SH3PXD2A: variants seen among roughly 807,000 people sequenced by gnomAD.
SH3PXD2A encodes SH3 and PX domain-containing protein 2A.
Under a neutral mutation model 115.2 loss-of-function variants are expected in SH3PXD2A, and 32 were observed. That is an observed-to-expected ratio of 0.28 (90% CI 0.21 to 0.37). SH3PXD2A has a LOEUF of 0.37. Among genes scored for constraint, SH3PXD2A ranks in the 10% least tolerant of loss-of-function variants. The pLI, the probability that SH3PXD2A is intolerant of heterozygous loss-of-function variation, is 1.00. For missense variants in SH3PXD2A, 1,328 were observed against 1,498.7 expected, an observed-to-expected ratio of 0.89 and a Z score of 1.88; for synonymous variants, 610 against 629.1, an observed-to-expected ratio of 0.97 and a Z score of 0.45.
intron 1 of SH3PXD2A, among the ~76,000 whole-genome samples, chr10:103,838,093 T>C (rs1254988057): frequency 6.6e-6 from 1 of 152,168 alleles, no homozygotes; most frequent in Non-Finnish European, 1.5e-5. Flanking sequence ...AGAACTCAGC[T>C]AGGAAATCCC....
chr10:103,647,577 C>T (rs1383748442), intron 8 of SH3PXD2A, among the ~76,000 whole-genome samples: 2 of 152,184 alleles, frequency 1.3e-5, no homozygotes, highest in Non-Finnish European at 2.9e-5. Context: ...GGACATGGAG[C>T]CTCACTTGGT....
intron 1 of SH3PXD2A, among the ~76,000 whole-genome samples, chr10:103,831,313 T>A (rs771846313): frequency 1.3e-5 from 2 of 152,224 alleles, no homozygotes; most frequent in Non-Finnish European, 2.9e-5. Context: ...ATCCAACCAT[T>A]GGCATTTGTA....
intron 2 of SH3PXD2A, among the ~76,000 whole-genome samples, chr10:103,798,164 C>T (rs925934524): frequency 6.6e-6 from 1 of 152,104 alleles, no homozygotes; most frequent in African/African-American, 2.4e-5. Context: ...AGGGAACCAA[C>T]TTGTACAGGG....
chr10:103,799,373 G>A (rs2039125950), intron 2 of SH3PXD2A, among the ~76,000 whole-genome samples: 1 of 152,264 alleles, frequency 6.6e-6, no homozygotes, highest in Non-Finnish European at 1.5e-5. Context: ...TGGCTCATAA[G>A]TTAATTTCCA....
At chr10:103,761,041 T>C (rs1418501324) in intron 3 of SH3PXD2A, among the ~76,000 whole-genome samples, 1 of 152,126 alleles carries the variant, frequency 6.6e-6, no homozygotes, top group Non-Finnish European at 1.5e-5. Context: ...TGCCGAGAGG[T>C]TGGGCCTGGG....
At chr10:103,853,993 C>T (rs1446679902) in intron 1 of SH3PXD2A, among the ~76,000 whole-genome samples, 1 of 152,182 alleles carries the variant, frequency 6.6e-6, no homozygotes, top group Non-Finnish European at 1.5e-5. Flanking sequence ...CAGGCACCCA[C>T]CTCCCTGCCT....
intron 1 of SH3PXD2A, among the ~76,000 whole-genome samples, chr10:103,849,863 T>C (rs1288962773): frequency 1.3e-5 from 2 of 152,182 alleles, no homozygotes; most frequent in Admixed American, 6.5e-5. Flanking sequence ...TAATCTACTA[T>C]CCCTTTCCTG....
chr10:103,674,808 A>G (rs1473698300), intron 6 of SH3PXD2A, among the ~76,000 whole-genome samples: 1 of 151,992 alleles, frequency 6.6e-6, no homozygotes, highest in Non-Finnish European at 1.5e-5. Flanking sequence ...CAACAGAGCA[A>G]GGCTCTGTCT....
intron 3 of SH3PXD2A, among the ~76,000 whole-genome samples, chr10:103,761,345 G>A (rs923552202): frequency 6.6e-6 from 1 of 152,160 alleles, no homozygotes; most frequent in Non-Finnish European, 1.5e-5. Flanking sequence ...TTGGAGGGGG[G>A]AATGTAGAGT....
At chr10:103,792,146 T>C (rs1345574509) in intron 2 of SH3PXD2A, among the ~76,000 whole-genome samples, 1 of 152,216 alleles carries the variant, frequency 6.6e-6, no homozygotes, top group Non-Finnish European at 1.5e-5. Context: ...GGAACCCCTA[T>C]GTGTTCCTTC....
At chr10:103,773,062 GA>G (rs2038844141) in intron 2 of SH3PXD2A, among the ~76,000 whole-genome samples, 1 of 151,908 alleles carries the variant, frequency 6.6e-6, no homozygotes, top group African/African-American at 2.4e-5. Flanking sequence ...TATCTCTACT[GA>G]AAATACAAAA....
At chr10:103,697,496 G>A (rs972881842) in intron 5 of SH3PXD2A, among the ~76,000 whole-genome samples, 11 of 152,162 alleles carry the variant, frequency 7.2e-5, no homozygotes, top group Non-Finnish European at 1.5e-4. Flanking sequence ...CACTTTCAGA[G>A]TTTTGGGCTT....
intron 5 of SH3PXD2A, among the ~76,000 whole-genome samples, chr10:103,701,144 C>G: frequency 4.3e-5 from 1 of 23,518 alleles, no homozygotes; most frequent in Non-Finnish European, 7.7e-5. Context: ...CATCCATCCA[C>G]TATCCATCCA....
chr10:103,601,649 A>G lies in SH3PXD2A; in HGVS notation c.*167T>C. The G allele has an allele frequency of 1.6e-5, 7 of 429,956 alleles. No individual in the cohort carries two copies. Among genetic ancestry groups the G allele is most frequent in the Non-Finnish European group, 3.0e-5 (7 of 229,610 alleles). The allele number at this position is 429,956 out of a possible 1,614,324, so 26.6% of individuals were successfully genotyped here. A position where few individuals can be genotyped will look rare whatever the true frequency, so the allele number is the denominator to read the frequency against. On this transcript the variant is annotated 3_prime_UTR_variant, in exon 15 of 15. Transcript: ENST00000369774. ...CCATCCCCTACCTTCCAGCTGTGGG[A>G]TGGCTTGGACAGGGGGCATCTTTGA...
At chr10:103,742,382 G>A (rs1395539711) in intron 3 of SH3PXD2A, among the ~76,000 whole-genome samples, 1 of 152,126 alleles carries the variant, frequency 6.6e-6, no homozygotes, top group Non-Finnish European at 1.5e-5. Context: ...ATCTCCTTCT[G>A]CCTTTCTCTT....
chr10:103,823,368 C>T (rs2039399813), intron 1 of SH3PXD2A, among the ~76,000 whole-genome samples: 2 of 152,198 alleles, frequency 1.3e-5, no homozygotes, highest in Admixed American at 6.5e-5. Flanking sequence ...AGAGTTGACC[C>T]TTAACACCCA....
At chr10:103,678,091 TAC>T in intron 6 of SH3PXD2A, 1 of 1,284,638 alleles carries the variant, frequency 7.8e-7, no homozygotes, top group Non-Finnish European at 1.0e-6. Flanking sequence ...CCCTAAGCAG[TAC>T]AGTCTCTGGC....
intron 5 of SH3PXD2A, among the ~76,000 whole-genome samples, chr10:103,718,150 C>A (rs745809239): frequency 5.3e-5 from 8 of 152,026 alleles, no homozygotes; most frequent in African/African-American, 9.7e-5. Context: ...GGACCACAGG[C>A]GTGTGCCACC....
At chr10:103,608,830 A>G (rs1255935974) in intron 13 of SH3PXD2A, 1 of 152,184 alleles carries the variant, frequency 6.6e-6, no homozygotes, top group Non-Finnish European at 1.5e-5. Flanking sequence ...TAGTTTTCAG[A>G]TGCCTCAATA....
Sources: gnomAD v4.1 joint callset for allele counts (sites outside exome capture counted in the v4.1 genomes callset) on GRCh38, gnomAD v4.1.1 for gene constraint, MANE v1.5 for transcripts, NCBI Gene and HGNC (gene_info 2026-07-23, HGNC 2026-07-21) for gene names.